TUBGCP5: variants seen among roughly 807,000 people sequenced by gnomAD.
TUBGCP5 encodes the protein tubulin gamma complex component 5.
TUBGCP5 carries 98 observed loss-of-function variants against 134.7 expected under a neutral mutation model. The ratio of observed to expected loss-of-function variants is 0.73; its 90% CI spans 0.62 to 0.86. The LOEUF (loss-of-function observed/expected upper bound fraction) is 0.86, where lower values mean the gene tolerates loss of function less well. TUBGCP5 is among the 40% of genes least tolerant of loss of function. The pLI, the probability that TUBGCP5 is intolerant of heterozygous loss-of-function variation, is 0.00. For synonymous variants in TUBGCP5, 456 were observed against 431.4 expected, an observed-to-expected ratio of 1.06 and a Z score of -0.71; for missense variants, 1,150 against 1,244.8, an observed-to-expected ratio of 0.92 and a Z score of 1.15.
intron 23 of TUBGCP5, among the ~76,000 whole-genome samples, chr15:22,984,715 G>A (rs1378552701): frequency 1.3e-5 from 2 of 152,106 alleles, no homozygotes; most frequent in Non-Finnish European, 1.5e-5. Flanking sequence ...CCAACACCAT[G>A]TACAAAAAGT....
In TUBGCP5 at chr15:23,003,072, T is replaced by C. The variant is rs149154554; in HGVS notation, c.2920A>G (p.Thr974Ala). 6,159 of 1,614,108 alleles carry C rather than the reference T, an allele frequency of 3.8e-3. 41 individuals carry two copies. Among genetic ancestry groups the C allele is most frequent in the Non-Finnish European group, 4.3e-3 (5,026 of 1,179,978 alleles). ...FADGWQAGLG[T>A]WRMESIEKME... ...CAGAAATCACATACTTACCGCCAAG[T>C]GCCCAGGCCTGCCTGCCAACCGTCT... Residue 974 changes from threonine to alanine, a missense_variant, in exon 21 of 23, where the codon ACT becomes GCT. Physicochemically the swap from Thr to Ala is moderately conservative, Grantham distance 58. This residue lies in a region of TUBGCP5 where 697 missense variants were observed against 850.1 expected (regional missense o/e 0.82). Coordinates refer to ENST00000615383, the MANE Select transcript of TUBGCP5 (RefSeq NM_052903.6).
chr15:23,005,828 T>C (rs2064676175), intron 18 of TUBGCP5: 1 of 668,292 alleles, frequency 1.5e-6, no homozygotes, highest in Non-Finnish European at 2.5e-6. Context: ...TCAGATCAAC[T>C]GTACATACAA....
chr15:23,038,729 T>G (rs2066740496), intron 1 of TUBGCP5, among the ~76,000 whole-genome samples: 1 of 152,200 alleles, frequency 6.6e-6, no homozygotes, highest in South Asian at 2.1e-4. Flanking sequence ...AAAGTATTAA[T>G]TTACATCTCC....
Position 23,023,936 on chromosome 15 carries a change from A to C in TUBGCP5, c.1168+11T>G, listed in dbSNP as rs1337241637. 7 of 1,612,462 alleles carry C rather than the reference A, an allele frequency of 4.3e-6. No individual in the cohort carries two copies. The highest frequency in any genetic ancestry group is 5.9e-6 in the Non-Finnish European group (7 of 1,179,286). ...CGTGTAGTATGAGTAAAGATGAAGA[A>C]CATTTAATACCATTATTGATGATGC... On this transcript the variant is annotated intron_variant, in intron 10 of 22. Transcript: ENST00000615383.
intron 11 of TUBGCP5, among the ~76,000 whole-genome samples, chr15:23,020,753 G>A (rs1302379262): frequency 6.6e-6 from 1 of 152,028 alleles, no homozygotes; most frequent in Non-Finnish European, 1.5e-5. Flanking sequence ...TCTATATATT[G>A]TTTGAGACAG....
chr15:22,983,165 G>A (rs538480152), downstream of TUBGCP5: 43 of 152,218 alleles, frequency 2.8e-4, no homozygotes, highest in Middle Eastern at 3.4e-3. Context: ...TGCATTGTAC[G>A]GAATGAAAGA....
intron 20 of TUBGCP5, among the ~76,000 whole-genome samples, chr15:23,003,661 TAA>T (rs1310309949): frequency 8.0e-6 from 1 of 125,268 alleles, no homozygotes; most frequent in Non-Finnish European, 1.6e-5. Flanking sequence ...TTTTTTTTTT[TAA>T]GAGACAAGGT....
Position 23,005,614 on chromosome 15 carries a change from TA to T in TUBGCP5, c.2534-5del. 6.2e-7 allele frequency: 1 copy of T among 1,610,384 alleles called. No homozygotes were observed. Among genetic ancestry groups the T allele is most frequent in the Non-Finnish European group, 8.5e-7 (1 of 1,177,674 alleles). ...TTTTCTGCAGTACTAACCAGTTCTA[TA>T]AAACATTGGAAGAGCAAAGTGGACA... On this transcript the variant is annotated splice_region_variant and splice_polypyrimidine_tract_variant and intron_variant, in intron 18 of 22. Transcript: ENST00000615383.
At chr15:23,038,201 T>C (rs1159236184) in intron 1 of TUBGCP5, among the ~76,000 whole-genome samples, 1 of 152,220 alleles carries the variant, frequency 6.6e-6, no homozygotes, top group Non-Finnish European at 1.5e-5. Context: ...CATTTTTTAG[T>C]ATCAAAGCGA....
In TUBGCP5 at chr15:23,021,898, G is replaced by A. The variant is rs534154710; in HGVS notation, c.1371+61C>T. On this transcript the variant is annotated intron_variant, in intron 11 of 22. Coordinates refer to ENST00000615383, the MANE Select transcript of TUBGCP5 (RefSeq NM_052903.6). ...TATCAACAAAGAACTACCATCAGCT[G>A]TCTATCACTCCTCTGCTGTGCAGCA... The A allele has an allele frequency of 3.9e-6, 6 of 1,520,648 alleles. No individual in the cohort carries two copies. The African/African-American group carries it at 8.2e-5, about 21-fold the overall frequency. The allele number at this position is 1,520,648 out of a possible 1,614,324, so 94.2% of individuals were successfully genotyped here.
chr15:23,016,969 G>GAGATATATAT lies in TUBGCP5; in HGVS notation c.1756+803_1756+804insATATATATCT, dbSNP rs1555439437. ...AGATGAATGGGTAAAAAAATTGTGA[G>GAGATATATAT]ATATATATATATATATATGTATATA... On this transcript the variant is annotated intron_variant, in intron 13 of 22. Coordinates refer to ENST00000615383, the MANE Select transcript of TUBGCP5 (RefSeq NM_052903.6). 5.0e-4 allele frequency among the ~76,000 whole-genome samples: 55 copies of GAGATATATAT among 109,436 alleles called. 2 individuals carry two copies. The highest frequency in any genetic ancestry group is 2.0e-3 in the African/African-American group (55 of 27,818). 71.8% of individuals were successfully genotyped at this position (109,436 alleles called of 152,430 possible).
chr15:23,015,768 A>T (rs1369170155), intron 13 of TUBGCP5, among the ~76,000 whole-genome samples: 2 of 152,204 alleles, frequency 1.3e-5, no homozygotes, highest in Non-Finnish European at 2.9e-5. Flanking sequence ...ATTACAACTG[A>T]AGAAAGTACA....
At chr15:22,984,551 C>CA (rs1055684743) in intron 23 of TUBGCP5, among the ~76,000 whole-genome samples, 1 of 151,700 alleles carries the variant, frequency 6.6e-6, no homozygotes, top group African/African-American at 2.4e-5. Context: ...ATCCAGGAGA[C>CA]AGAGGTTGCA....
At chr15:22,988,900 G>A (rs934069906) in intron 23 of TUBGCP5, among the ~76,000 whole-genome samples, 3 of 151,890 alleles carry the variant, frequency 2.0e-5, no homozygotes, top group Non-Finnish European at 4.4e-5. Flanking sequence ...GGCCCAGCTA[G>A]TTTTTGTGTT....
In TUBGCP5 at chr15:23,006,309, GCTT is replaced by G. The variant is rs760530841; in HGVS notation, c.2368_2370del (p.Lys790del). On this transcript the variant is annotated inframe_deletion, in exon 17 of 23. Coordinates refer to ENST00000615383, the MANE Select transcript of TUBGCP5 (RefSeq NM_052903.6). ...AGACCATCTAAGATATGAACAGGCA[GCTT>G]CTTCTTAGCTGTGTCAACATTTTCA... 8.7e-6 allele frequency: 14 copies of G among 1,609,200 alleles called. No individual in the cohort carries two copies. Among genetic ancestry groups the G allele is most frequent in the Middle Eastern group, 1.6e-4 (1 of 6,068 alleles).
rs189253333 is a variant in TUBGCP5, at chr15:22,984,893, G to A, written c.*62-1282C>T. Among the ~76,000 whole-genome samples the A allele has an allele frequency of 2.9e-3, 440 of 152,204 alleles. 1 individual carries two copies. Among genetic ancestry groups the A allele is most frequent in the African/African-American group, 9.4e-3 (391 of 41,526 alleles). On this transcript the variant is annotated intron_variant and NMD_transcript_variant, in intron 23 of 23. Coordinates refer to the TUBGCP5 transcript ENST00000614508. ...AAAAAAATGATAAATTGATTTGATC[G>A]AAATTTAAAACTTCTCATCAAAAGA...
At chr15:23,020,271 G>A (rs548077530) in intron 11 of TUBGCP5, among the ~76,000 whole-genome samples, 3 of 152,240 alleles carry the variant, frequency 2.0e-5, no homozygotes, top group East Asian at 3.9e-4. Context: ...GATGGGCATG[G>A]TGGTGGGCGC....
chr15:23,005,203 C>A (rs1005894279), intron 19 of TUBGCP5, among the ~76,000 whole-genome samples: 2 of 152,112 alleles, frequency 1.3e-5, no homozygotes, highest in African/African-American at 4.8e-5. Context: ...CTGTGCCTGT[C>A]CCCAGGGGCT....
At chr15:23,000,314 A>G (rs2064297074) in intron 22 of TUBGCP5, 1 of 1,268,990 alleles carries the variant, frequency 7.9e-7, no homozygotes, top group Admixed American at 3.8e-5. Context: ...TTCTGCCATC[A>G]ACTTTATTTA....
Sources: gnomAD v4.1 joint callset for allele counts (sites outside exome capture counted in the v4.1 genomes callset) on GRCh38, gnomAD v4.1.1 for gene constraint, gnomAD v4.1.1 regional missense constraint, MANE v1.5 for transcripts, NCBI Gene and HGNC (gene_info 2026-07-23, HGNC 2026-07-21) for gene names.